PUM1: variants seen among roughly 807,000 people sequenced by gnomAD.
PUM1 encodes the protein pumilio homolog 1.
PUM1 carries 13 observed loss-of-function variants against 131.8 expected under a neutral mutation model. The ratio of observed to expected loss-of-function variants is 0.10; its 90% CI spans 0.06 to 0.16. The LOEUF (loss-of-function observed/expected upper bound fraction) is 0.16. PUM1 is among the 10% of genes least tolerant of loss of function. The pLI is 1.00. For missense variants in PUM1, 961 were observed against 1,512.4 expected, an observed-to-expected ratio of 0.64 and a Z score of 6.05; for synonymous variants, 509 against 556.5, an observed-to-expected ratio of 0.91 and a Z score of 1.20.
At chr1:30,979,731 T>A (rs1438381697) in intron 9 of PUM1, among the ~76,000 whole-genome samples, 1 of 151,964 alleles carries the variant, frequency 6.6e-6, no homozygotes, top group Non-Finnish European at 1.5e-5. Flanking sequence ...TAGAGACCAG[T>A]AAAAGTACCT....
rs1017440549 is a variant in PUM1, at chr1:30,931,877, C to T, written c.*1334G>A. ...GCTCGGGCAAGGCTAGACTTTTGCA[C>T]GTCCTTTTGACTGTCACAAAATCAA... On this transcript the variant is annotated 3_prime_UTR_variant, in exon 22 of 22. Coordinates refer to ENST00000426105, the MANE Select transcript of PUM1 (RefSeq NM_001020658.2). 6.6e-6 allele frequency: 1 copy of T among 152,520 alleles called. No individual in the cohort carries two copies. The highest frequency in any genetic ancestry group is 1.5e-5 in the Non-Finnish European group (1 of 68,050). The allele number at this position is 152,520 out of a possible 1,614,324, so 9.4% of individuals were successfully genotyped here.
intron 3 of PUM1, among the ~76,000 whole-genome samples, chr1:31,025,545 CTTTTTTT>C (rs35510099): frequency 5.6e-5 from 5 of 88,820 alleles, no homozygotes; most frequent in Non-Finnish European, 2.0e-5. Context: ...TGTTTTTTGT[CTTTTTTT>C]TTTTTTTTTT....
chr1:31,022,096 A>G (rs2124535717), intron 3 of PUM1, among the ~76,000 whole-genome samples: 1 of 151,420 alleles, frequency 6.6e-6, no homozygotes, highest in East Asian at 1.9e-4. Flanking sequence ...AAAAAACAGA[A>G]TTTGAAGATA....
chr1:31,033,235 C>T (rs1643493640), intron 2 of PUM1, among the ~76,000 whole-genome samples: 1 of 151,116 alleles, frequency 6.6e-6, no homozygotes, highest in African/African-American at 2.4e-5. Flanking sequence ...GAGATGGAGT[C>T]TGGCTGTTGC....
At position 30,936,624 on chromosome 1, in the gene PUM1, C is replaced by A. The variant is rs982313508; in HGVS notation, c.3435+19G>T. 1.1e-5 allele frequency: 17 copies of A among 1,601,538 alleles called. No individual in the cohort carries two copies. The highest frequency in any genetic ancestry group is 1.4e-5 in the Non-Finnish European group (17 of 1,172,604). On this transcript the variant is annotated intron_variant, in intron 21 of 21. Coordinates refer to ENST00000426105, the MANE Select transcript of PUM1 (RefSeq NM_001020658.2). ...AGGCCTTGCACACTTTCTCTGAGAC[C>A]CTGCCCAGCCCGGCCTACCTTATGC...
intron 14 of PUM1, among the ~76,000 whole-genome samples, chr1:30,960,791 A>C (rs1640372262): frequency 6.6e-6 from 1 of 152,104 alleles, no homozygotes; most frequent in African/African-American, 2.4e-5. Context: ...CCCAAAATTA[A>C]CTCAAAATGG....
At chr1:30,991,016 A>G (rs901131471) in intron 7 of PUM1, among the ~76,000 whole-genome samples, 2 of 152,216 alleles carry the variant, frequency 1.3e-5, no homozygotes, top group Non-Finnish European at 2.9e-5. Context: ...TTGAAACCAA[A>G]GATCAATAAA....
intron 2 of PUM1, among the ~76,000 whole-genome samples, chr1:31,058,555 G>C (rs769253658): frequency 7.9e-5 from 12 of 151,522 alleles, no homozygotes; most frequent in African/African-American, 2.9e-4. Context: ...CCAGCTACTC[G>C]GGAGGCTGAG....
At chr1:31,033,041 A>C (rs1351330407) in intron 2 of PUM1, among the ~76,000 whole-genome samples, 7 of 150,034 alleles carry the variant, frequency 4.7e-5, no homozygotes, top group Non-Finnish European at 8.9e-5. Flanking sequence ...TGTCTCTAAA[A>C]AAAAATACAA....
At position 30,952,303 on chromosome 1, in the gene PUM1, T is replaced by C; in HGVS notation, c.2652A>G (p.Glu884=). 1.2e-6 allele frequency: 2 copies of C among 1,614,022 alleles called. No individual in the cohort carries two copies. Among genetic ancestry groups the C allele is most frequent in the Non-Finnish European group, 1.7e-6 (2 of 1,179,874 alleles). The part of the protein sequence containing the change: ...TPAERQLVFN[E]ILQAAYQLMV... ...TGAGTTGGTAGGCAGCCTGGAGGAT[T>C]TCATTGAAGACAAGCTGGCGCTCAG... The change falls in exon 16 of 22, where the codon GAA becomes GAG. Residue 884 remains glutamate, a synonymous_variant. Coordinates refer to ENST00000426105, the MANE Select transcript of PUM1 (RefSeq NM_001020658.2).
intron 12 of PUM1, 169 bp downstream of exon 12, chr1:30,966,998 G>C: frequency 3.8e-6 from 2 of 519,972 alleles, no homozygotes; most frequent in Non-Finnish European, 3.0e-6. Context: ...CCAACAAAAA[G>C]GAGAATCCAC....
chr1:30,981,635 C>T (rs893514575), intron 7 of PUM1, among the ~76,000 whole-genome samples: 2 of 151,804 alleles, frequency 1.3e-5, no homozygotes, highest in African/African-American at 4.8e-5. Flanking sequence ...ATGAGCTGAC[C>T]GCTTCACAGA....
chr1:31,028,374 ACATTTTCTGAT>A (rs1239843951), intron 3 of PUM1, among the ~76,000 whole-genome samples: 1 of 131,592 alleles, frequency 7.6e-6, no homozygotes, highest in Non-Finnish European at 1.6e-5. Flanking sequence ...TAGGTTACTG[ACATTTTCTGAT>A]TAGCAGCCAA....
At chr1:31,022,775 T>C (rs185573922) in intron 3 of PUM1, among the ~76,000 whole-genome samples, 245 of 152,322 alleles carry the variant, frequency 1.6e-3, no homozygotes, top group Non-Finnish European at 2.9e-3. Context: ...TTAGCTGTTT[T>C]TTCTAAAATA....
chr1:30,952,697 GAGGGGCA>G (rs1639994838), intron 15 of PUM1, among the ~76,000 whole-genome samples: 1 of 91,872 alleles, frequency 1.1e-5, no homozygotes, highest in East Asian at 3.7e-4. Flanking sequence ...GGGGGGGCGG[GAGGGGCA>G]GGGGTGCAGG....
At chr1:31,048,392 A>C (rs1287872684) in intron 2 of PUM1, among the ~76,000 whole-genome samples, 2 of 151,832 alleles carry the variant, frequency 1.3e-5, no homozygotes, top group Admixed American at 1.3e-4. Flanking sequence ...TAAGAATCTC[A>C]GGAATCATTA....
At chr1:30,975,085 T>TA (rs1641078441) in intron 9 of PUM1, among the ~76,000 whole-genome samples, 1 of 152,108 alleles carries the variant, frequency 6.6e-6, no homozygotes, top group South Asian at 2.1e-4. Context: ...GGGTTCAATT[T>TA]AATAACAGAT....
chr1:31,018,275 G>C (rs1451618571), intron 3 of PUM1, among the ~76,000 whole-genome samples: 1 of 152,068 alleles, frequency 6.6e-6, no homozygotes, highest in Non-Finnish European at 1.5e-5. Context: ...TCTGAGCCTG[G>C]GAGGTGGAGG....
intron 12 of PUM1, chr1:30,966,513 G>T (rs555396434): frequency 3.0e-5 from 14 of 472,290 alleles, no homozygotes; most frequent in African/African-American, 2.3e-4. Context: ...GCTTTTAAGA[G>T]TATACAGATT....
Sources: allele counts gnomAD v4.1 joint callset (sites outside exome capture counted in the v4.1 genomes callset), GRCh38; gene constraint gnomAD v4.1.1; transcripts MANE v1.5; gene names NCBI Gene and HGNC (gene_info 2026-07-23, HGNC 2026-07-21).